The following EBF3 variants were observed in gnomAD, a reference collection of about 807,000 sequenced individuals.
EBF3 encodes EBF transcription factor 3.
A neutral mutation model predicts 77.1 loss-of-function variants in EBF3; 18 were observed. The observed-to-expected ratio is 0.23, with a 90% CI of 0.16 to 0.35. The LOEUF is 0.35. EBF3 is among the 10% of genes least tolerant of loss of function. EBF3 has a pLI of 1.00. For synonymous variants in EBF3, 350 were observed against 343.5 expected (o/e 1.02, Z -0.21); for missense variants, 558 against 860.0 (o/e 0.65, Z 4.39).
At chr10:129,921,596 A>AG (rs1342118362) in intron 6 of EBF3, among the ~76,000 whole-genome samples, 6 of 152,288 alleles carry the variant, frequency 3.9e-5, no homozygotes, top group African/African-American at 1.2e-4. Context: ...TGTCCATGCC[A>AG]CCTTTGCAGC....
chr10:129,941,170 C>T (rs1014353761), intron 6 of EBF3, among the ~76,000 whole-genome samples: 1 of 152,208 alleles, frequency 6.6e-6, no homozygotes, highest in Non-Finnish European at 1.5e-5. Context: ...AGATAAATAA[C>T]CACTAAATTC....
rs1248656282 is a variant in EBF3, at chr10:129,861,181, C to G, written c.1039+5960G>C. On this transcript the variant is annotated intron_variant, in intron 10 of 16. Coordinates refer to ENST00000440978, the MANE Select transcript of EBF3 (RefSeq NM_001375380.1). The surrounding 1 kb of genome is among the most constrained non-coding windows in gnomAD (Gnocchi z 4.3). ...TGCTGTGCCGTAGCAGTGGGGAGGA[C>G]AGCGGTGGGAGCCTGCCCTCCCTCC... 2.0e-5 allele frequency among the ~76,000 whole-genome samples: 3 copies of G among 152,166 alleles called. No individual in the cohort carries two copies. The highest frequency in any genetic ancestry group is 4.4e-5 in the Non-Finnish European group (3 of 68,024).
intron 15 of EBF3, among the ~76,000 whole-genome samples, chr10:129,839,517 T>C (rs138170107): frequency 0.013 from 2,015 of 152,112 alleles, 34 homozygotes; most frequent in African/African-American, 0.044. Flanking sequence ...TGGACAGCTG[T>C]GCCCTCGGGG....
At position 129,943,944 on chromosome 10, in the gene EBF3, G is replaced by A. The variant is rs186355255; in HGVS notation, c.554+13314C>T. 9.0e-4 allele frequency among the ~76,000 whole-genome samples: 137 copies of A among 152,300 alleles called. 1 individual carries two copies. The highest frequency in any genetic ancestry group is 8.9e-3 in the East Asian group (46 of 5,184). On this transcript the variant is annotated intron_variant, in intron 6 of 16. Transcript: ENST00000440978. This position sits in a 1 kb window ranked among gnomAD's most constrained non-coding sequence, Gnocchi z 8.8. ...AAACCAGTCGCTCTGAGGGTGCAGC[G>A]CGTGTGTCCATGGGTAAAATATCTC...
rs868859456 is a variant in EBF3, at chr10:129,963,933, C to G, written c.-165G>C. 37 of 1,068,454 alleles carry G rather than the reference C, an allele frequency of 3.5e-5. No homozygotes were observed. The highest frequency in any genetic ancestry group is 1.8e-4 in the South Asian group (4 of 22,728). The allele number at this position is 1,068,454 out of a possible 1,614,324, so 66.2% of individuals were successfully genotyped here. On this transcript the variant is annotated 5_prime_UTR_variant, in exon 1 of 17. Transcript: ENST00000440978. The surrounding 1 kb of genome is among the most constrained non-coding windows in gnomAD (Gnocchi z 7.1). ...GCCCGTCCCGGGCAGGCGCGACATACACCAGCGGCCGGGCGCTCCGGACGG... is the reference window on the plus strand; with the variant it reads ...GCCCGTCCCGGGCAGGCGCGACATAGACCAGCGGCCGGGCGCTCCGGACGG...
At chr10:129,876,568 G>A (rs1417905798) in intron 7 of EBF3, among the ~76,000 whole-genome samples, 3 of 152,240 alleles carry the variant, frequency 2.0e-5, no homozygotes, top group African/African-American at 7.2e-5. Flanking sequence ...CAGATGTCAC[G>A]TGATTCACTA....
At chr10:129,899,785 C>A (rs1272238190) in intron 6 of EBF3, among the ~76,000 whole-genome samples, 1 of 152,220 alleles carries the variant, frequency 6.6e-6, no homozygotes, top group Non-Finnish European at 1.5e-5. Context: ...CATCTACATT[C>A]TCCTCTTCGC....
chr10:129,845,841 T>C (rs1005803171), intron 11 of EBF3: 1 of 151,848 alleles, frequency 6.6e-6, no homozygotes, highest in Non-Finnish European at 1.5e-5. Context: ...AATTTTATGG[T>C]AAAATCATTT....
intron 6 of EBF3, among the ~76,000 whole-genome samples, chr10:129,912,936 A>C (rs1855623701): frequency 6.6e-6 from 1 of 152,226 alleles, no homozygotes; most frequent in Admixed American, 6.5e-5. Flanking sequence ...ATCTAAGTCG[A>C]CCTGATGAAG....
chr10:129,878,195 C>T (rs1454040989), intron 6 of EBF3, among the ~76,000 whole-genome samples: 1 of 152,102 alleles, frequency 6.6e-6, no homozygotes, highest in Non-Finnish European at 1.5e-5. Context: ...ACCATCTCAA[C>T]CCACTAAAAA....
chr10:129,863,250 C>T lies in EBF3; in HGVS notation c.1039+3891G>A, dbSNP rs1001934578. 6.6e-6 allele frequency among the ~76,000 whole-genome samples: 1 copy of T among 152,182 alleles called. No individual in the cohort carries two copies. The highest frequency in any genetic ancestry group is 2.4e-5 in the African/African-American group (1 of 41,446). ...GGAATACAAAGAACCAGTATGGAAG[C>T]GCTGGACATGTCATTTGTGACTCAT... is the stretch of plus-strand genomic sequence containing the variant. On this transcript the variant is annotated intron_variant, in intron 10 of 16. Coordinates refer to ENST00000440978, the MANE Select transcript of EBF3 (RefSeq NM_001375380.1). The surrounding 1 kb of genome is among the most constrained non-coding windows in gnomAD (Gnocchi z 4.0).
chr10:129,954,124 T>C (rs79053908), intron 6 of EBF3, among the ~76,000 whole-genome samples: 6,988 of 152,280 alleles, frequency 0.046, 499 homozygotes, highest in African/African-American at 0.15. Flanking sequence ...TTTGTGTGTG[T>C]GCACTCTTCC....
intron 6 of EBF3, among the ~76,000 whole-genome samples, chr10:129,953,450 A>T: frequency 6.6e-6 from 1 of 151,806 alleles, no homozygotes; most frequent in Non-Finnish European, 1.5e-5. Context: ...TATGAAAGAA[A>T]ATGGGATAAA....
chr10:129,928,611 T>C (rs1856821036), intron 6 of EBF3, among the ~76,000 whole-genome samples: 1 of 152,212 alleles, frequency 6.6e-6, no homozygotes. Flanking sequence ...TTAGGAGATA[T>C]TCCTAGACAG....
intron 5 of EBF3, among the ~76,000 whole-genome samples, chr10:129,958,225 G>T (rs1328848844): frequency 6.6e-6 from 1 of 152,256 alleles, no homozygotes; most frequent in African/African-American, 2.4e-5. Flanking sequence ...TAGCCAGGCG[G>T]AGTATGCCCC....
chr10:129,850,265 G>A (rs1850772924), intron 10 of EBF3, among the ~76,000 whole-genome samples: 1 of 152,236 alleles, frequency 6.6e-6, no homozygotes, highest in African/African-American at 2.4e-5. Flanking sequence ...TCATGCAAAT[G>A]CCCCTGACAG....
Position 129,963,573 on chromosome 10 carries a change from G to C in EBF3, c.135-50C>G. 1 of 1,276,760 alleles carries C rather than the reference G, an allele frequency of 7.8e-7. No homozygotes were observed. Among genetic ancestry groups the C allele is most frequent in the East Asian group, 3.8e-5 (1 of 26,166 alleles). The allele number at this position is 1,276,760 out of a possible 1,614,324, so 79.1% of individuals were successfully genotyped here. ...CCGGTGAGGAGCGCGGCGCCGGCCG[G>C]CGGAGGGGGCCGGGCCGGGCCGGGG... On this transcript the variant is annotated intron_variant, in intron 1 of 16. Coordinates refer to ENST00000440978, the MANE Select transcript of EBF3 (RefSeq NM_001375380.1). This position sits in a 1 kb window ranked among gnomAD's most constrained non-coding sequence, Gnocchi z 7.1.
At chr10:129,962,130 C>T in intron 4 of EBF3, 41 bp downstream of exon 4, 1 of 1,610,246 alleles carries the variant, frequency 6.2e-7, no homozygotes, top group South Asian at 1.1e-5. Context: ...ACAACCCAGG[C>T]CCAGCAGTGA....
Position 129,943,333 on chromosome 10 carries a change from C to G in EBF3, c.554+13925G>C, listed in dbSNP as rs1438147076. Among the ~76,000 whole-genome samples the G allele has an allele frequency of 6.6e-6, 1 of 152,058 alleles. No individual in the cohort carries two copies. The highest frequency in any genetic ancestry group is 1.5e-5 in the Non-Finnish European group (1 of 68,022). ...GTTAAAGAAGCAAATTGGATTTGCCCTATCACAAAAAAAATTAATTCCAGA... is the reference window on the plus strand; with the variant it reads ...GTTAAAGAAGCAAATTGGATTTGCCGTATCACAAAAAAAATTAATTCCAGA... On this transcript the variant is annotated intron_variant, in intron 6 of 16. Coordinates refer to ENST00000440978, the MANE Select transcript of EBF3 (RefSeq NM_001375380.1). This position sits in a 1 kb window ranked among gnomAD's most constrained non-coding sequence, Gnocchi z 8.8.
Sources: gnomAD v4.1 joint callset for allele counts (sites outside exome capture counted in the v4.1 genomes callset) on GRCh38, gnomAD v4.1.1 for gene constraint, Gnocchi (gnomAD v3.1) non-coding constraint, MANE v1.5 for transcripts, NCBI Gene and HGNC (gene_info 2026-07-23, HGNC 2026-07-21) for gene names.